Variants in TSPAN32 observed in about 807,000 individuals in gnomAD.
The protein encoded by TSPAN32 is tetraspanin 32, also known as tetraspanin-32.
In TSPAN32, 47 loss-of-function variants were observed where a neutral mutation model predicts 42.7. The ratio of observed to expected loss-of-function variants is 1.10; its 90% CI spans 0.87 to 1.40. The LOEUF is 1.40. TSPAN32 is among the 40% of genes most tolerant of loss of function. The pLI, the probability that TSPAN32 is intolerant of heterozygous loss-of-function variation, is 0.00. For missense variants in TSPAN32, 469 were observed against 424.1 expected (o/e 1.11, Z -0.93); for synonymous variants, 175 against 175.9 (o/e 0.99, Z 0.04).
chr11:2,312,381 G>A (rs1554941165), intron 4 of TSPAN32, among the ~76,000 whole-genome samples: 1 of 152,242 alleles, frequency 6.6e-6, no homozygotes, highest in African/African-American at 2.4e-5. Context: ...CAAGGCCCCC[G>A]CCCTGGCCGA....
rs1455042815 is a variant in TSPAN32, at chr11:2,304,229, C to T, written c.279+25C>T. The T allele has an allele frequency of 2.1e-6, 3 of 1,457,132 alleles. No homozygotes were observed. The highest frequency in any genetic ancestry group is 2.8e-6 in the Non-Finnish European group (3 of 1,083,316). The allele number at this position is 1,457,132 out of a possible 1,614,324, so 90.3% of individuals were successfully genotyped here. A position where few individuals can be genotyped will look rare whatever the true frequency, so the allele number is the denominator to read the frequency against. On this transcript the variant is annotated intron_variant, in intron 3 of 9. Transcript: ENST00000182290. The surrounding 1 kb of genome is among the most constrained non-coding windows in gnomAD (Gnocchi z 4.8). ...GGTGAGTTCATTGTGTTCCCAGATG[C>T]CCAGGCCCCCAGAAAAGAATTAGAA...
At chr11:2,311,428 GC>G (rs1848452183) in intron 4 of TSPAN32, among the ~76,000 whole-genome samples, 1 of 152,180 alleles carries the variant, frequency 6.6e-6, no homozygotes, top group Admixed American at 6.5e-5. Flanking sequence ...CTCCCCCTGT[GC>G]CCTGACGAGT....
In TSPAN32 at chr11:2,302,898, T is replaced by A; in HGVS notation, c.121T>A (p.Phe41Ile). ...MVTLTYFGAHFAVIRRASLEK... is the reference protein window; with the variant it reads ...MVTLTYFGAHIAVIRRASLEK... ...GACTCTTACCTACTTCGGGGCCCAC[T>A]TTGCTGTCATCCGCCGAGCGTCCCT... Residue 41 changes from phenylalanine to isoleucine, a missense_variant, in exon 2 of 10, where the codon TTT (phenylalanine) becomes ATT (isoleucine). Transcript: ENST00000182290. 1 of 1,613,636 alleles carries A rather than the reference T, an allele frequency of 6.2e-7. No homozygotes were observed. Among genetic ancestry groups the A allele is most frequent in the Non-Finnish European group, 8.5e-7 (1 of 1,179,834 alleles).
intron 6 of TSPAN32, chr11:2,315,775 C>A (rs1208392068): frequency 7.9e-7 from 1 of 1,270,476 alleles, no homozygotes; most frequent in Non-Finnish European, 1.0e-6. Flanking sequence ...TGGGATGGAA[C>A]CAGGAAGCTG....
At chr11:2,315,826 G>T in intron 6 of TSPAN32, 1 of 1,346,438 alleles carries the variant, frequency 7.4e-7, no homozygotes, top group Non-Finnish European at 9.8e-7. Flanking sequence ...CCACCAGCTG[G>T]CTTCCTGCCC....
In TSPAN32 at chr11:2,313,598, C is replaced by A. The variant is rs2234299; in HGVS notation, c.355-56C>A. 3,972 of 1,403,218 alleles carry A rather than the reference C, an allele frequency of 2.8e-3. 31 individuals are homozygous for A. Among genetic ancestry groups the A allele is most frequent in the Non-Finnish European group, 2.2e-3 (2,191 of 1,016,068 alleles). The allele number at this position is 1,403,218 out of a possible 1,614,324, so 86.9% of individuals were successfully genotyped here. ...CGTTTGGGATGTCGTGGGGAGGGGG[C>A]TGTGTCCCCGGATCTCCCACCAGGG... On this transcript the variant is annotated intron_variant, in intron 4 of 9. Coordinates refer to ENST00000182290, the MANE Select transcript of TSPAN32 (RefSeq NM_139022.3). This position sits in a 1 kb window ranked among gnomAD's most constrained non-coding sequence, Gnocchi z 9.1.
In TSPAN32 at chr11:2,310,890, C is replaced by T. The variant is rs571714577; in HGVS notation, c.354+2080C>T. On this transcript the variant is annotated intron_variant, in intron 4 of 9. Coordinates refer to ENST00000182290, the MANE Select transcript of TSPAN32 (RefSeq NM_139022.3). Reference sequence around the variant, plus strand: ...GGGCCCTGAGCAGGAGGGGCGGCTGCACATCCCGTCTCCTGCCCTCCACCC... The same window carrying T: ...GGGCCCTGAGCAGGAGGGGCGGCTGTACATCCCGTCTCCTGCCCTCCACCC... 2.0e-5 allele frequency among the ~76,000 whole-genome samples: 3 copies of T among 152,296 alleles called. No homozygotes were observed. The South Asian group carries it at 6.2e-4, about 32-fold the overall frequency.
rs112498747 is a variant in TSPAN32 at position 2,304,851 on chromosome 11, C to T, written c.279+647C>T. ...GATGGTCATCGCAGACCCCACCTGG[C>T]GGCAGCCTCCCCACGCCTGTCCTGC... On this transcript the variant is annotated intron_variant, in intron 3 of 9. Transcript: ENST00000182290. This position sits in a 1 kb window ranked among gnomAD's most constrained non-coding sequence, Gnocchi z 4.8. Among the ~76,000 whole-genome samples, 1 of 152,070 alleles carries T rather than the reference C, an allele frequency of 6.6e-6. No individual in the cohort carries two copies. The highest frequency in any genetic ancestry group is 1.5e-5 in the Non-Finnish European group (1 of 68,012).
At chr11:2,302,422 A>G (rs1847809168) in intron 1 of TSPAN32, among the ~76,000 whole-genome samples, 2 of 152,072 alleles carry the variant, frequency 1.3e-5, no homozygotes, top group South Asian at 2.1e-4. Flanking sequence ...TCTCCTCCTG[A>G]GGGGCAGCAC....
At chr11:2,306,121 T>C (rs1332668699) in intron 3 of TSPAN32, among the ~76,000 whole-genome samples, 1 of 151,666 alleles carries the variant, frequency 6.6e-6, no homozygotes, top group Non-Finnish European at 1.5e-5. Context: ...ACGGGTGTGG[T>C]GTCTGCGTGT....
rs1004861420 is a variant in TSPAN32 at position 2,316,290 on chromosome 11, C to A, written c.605C>A (p.Thr202Asn). ...CACCAGCAGGTCGCCTCCAGCCTGA[C>A]CAGCATCGGCCTGGCCCTCACGGTA... Reference protein sequence around the residue: ...RTHQQVASSLTSIGLALTVSA... With the variant: ...RTHQQVASSLNSIGLALTVSA... Residue 202 changes from threonine (T) to asparagine (N), a missense_variant, in exon 7 of 10, where the codon ACC becomes AAC. Transcript: ENST00000182290. 5 of 1,602,340 alleles carry A rather than the reference C, an allele frequency of 3.1e-6. No individual in the cohort carries two copies. In the African/African-American group the frequency reaches 4.0e-5, roughly 13 times the overall value.
intron 6 of TSPAN32, chr11:2,315,618 G>C (rs1241133046): frequency 5.9e-6 from 7 of 1,183,420 alleles, no homozygotes; most frequent in Non-Finnish European, 7.5e-6. Context: ...GCCTGCGGGG[G>C]ACAGGAGGGT....
intron 6 of TSPAN32, chr11:2,315,697 A>G: frequency 8.3e-7 from 1 of 1,204,630 alleles, no homozygotes; most frequent in South Asian, 1.5e-5. Flanking sequence ...GTTCAGAGAC[A>G]GGCCTGCCAC....
At chr11:2,308,251 C>G (rs1433971683) in intron 3 of TSPAN32, among the ~76,000 whole-genome samples, 6 of 152,148 alleles carry the variant, frequency 3.9e-5, no homozygotes, top group Non-Finnish European at 7.4e-5. Context: ...ACGCTCTCCC[C>G]AGGCCAAGTC....
In TSPAN32 at chr11:2,304,195, C is replaced by T. The variant is rs760045340; in HGVS notation, c.270C>T (p.Leu90=). 1.3e-6 allele frequency: 2 copies of T among 1,575,128 alleles called. No homozygotes were observed. Among genetic ancestry groups the T allele is most frequent in the South Asian group, 1.2e-5 (1 of 86,128 alleles). The change falls in exon 3 of 10, where the codon CTC becomes CTT. Residue 90 remains leucine (L), a synonymous_variant. Coordinates refer to ENST00000182290, the MANE Select transcript of TSPAN32 (RefSeq NM_139022.3). The surrounding 1 kb of genome is among the most constrained non-coding windows in gnomAD (Gnocchi z 4.8). ...CCACCGTGAGGGAGGCCCAGGGCCT[C>T]ATGGCAGGGGTGAGTTCATTGTGTT... ...AAATVREAQG[L]MAGGFLCFSL...
At chr11:2,316,146 C>T in intron 6 of TSPAN32, 83 bp from the exon 7 acceptor site, 1 of 1,516,146 alleles carries the variant, frequency 6.6e-7, no homozygotes, top group Non-Finnish European at 8.8e-7. Flanking sequence ...GTGGGCGCTG[C>T]AGCTCCATGG....
At chr11:2,307,643 C>T (rs1207070672) in intron 3 of TSPAN32, among the ~76,000 whole-genome samples, 1 of 152,176 alleles carries the variant, frequency 6.6e-6, no homozygotes, top group Non-Finnish European at 1.5e-5. Context: ...GGAGGGGTCT[C>T]TCGTGTTCCT....
Position 2,313,773 on chromosome 11 carries a change from T to C in TSPAN32, c.456+18T>C. ...AGGACGTGGTGAGCGTGGGGACGGC[T>C]GGGTGGCAGGGCGGTCAGCTTCTGC... On this transcript the variant is annotated intron_variant, in intron 5 of 9. Transcript: ENST00000182290. This position sits in a 1 kb window ranked among gnomAD's most constrained non-coding sequence, Gnocchi z 9.1. 2 of 1,569,472 alleles carry C rather than the reference T, an allele frequency of 1.3e-6. No homozygotes were observed. Among genetic ancestry groups the C allele is most frequent in the Non-Finnish European group, 1.7e-6 (2 of 1,160,664 alleles).
intron 6 of TSPAN32, chr11:2,315,768 G>T: frequency 7.9e-7 from 1 of 1,263,178 alleles, no homozygotes. Context: ...GGAAGCCTGG[G>T]ATGGAACCAG....
Sources: gnomAD v4.1 joint callset for allele counts (sites outside exome capture counted in the v4.1 genomes callset) on GRCh38, gnomAD v4.1.1 for gene constraint, Gnocchi (gnomAD v3.1) non-coding constraint, MANE v1.5 for transcripts, NCBI Gene and HGNC (gene_info 2026-07-23, HGNC 2026-07-21) for gene names.